Variants in ARHGAP15 observed in about 807,000 individuals in gnomAD.
ARHGAP15 encodes Rho GTPase activating protein 15, also known as rho GTPase-activating protein 15.
In ARHGAP15, 51 loss-of-function variants were observed where a neutral mutation model predicts 63.7. The ratio of observed to expected loss-of-function variants is 0.80; its 90% confidence interval spans 0.64 to 1.01. The LOEUF (loss-of-function observed/expected upper bound fraction) is 1.01, where lower values mean the gene tolerates loss of function less well. Among genes scored for constraint, ARHGAP15 ranks in the 50% least tolerant of loss-of-function variants. The probability of loss-of-function intolerance (pLI) is 0.00; values close to 1 mark genes in which losing one functional copy is unlikely to be tolerated. For missense variants in ARHGAP15, 560 were observed against 564.6 expected, an observed-to-expected ratio of 0.99 and a Z score of 0.08; for synonymous variants, 191 against 193.8, an observed-to-expected ratio of 0.99 and a Z score of 0.12.
At chr2:143,267,550 T>C (rs1422900586) in intron 6 of ARHGAP15, among the ~76,000 whole-genome samples, 1 of 152,126 alleles carries the variant, frequency 6.6e-6, no homozygotes, top group African/African-American at 2.4e-5. Context: ...CAGGGTGAAA[T>C]AAGTATTTTC....
intron 1 of ARHGAP15, among the ~76,000 whole-genome samples, chr2:143,148,471 A>G (rs879746988): frequency 3.9e-5 from 6 of 152,076 alleles, no homozygotes; most frequent in Non-Finnish European, 7.4e-5. Flanking sequence ...AAGAAAGATC[A>G]TGGTTGCCTA....
At chr2:143,709,410 A>G (rs1192130238) in intron 13 of ARHGAP15, among the ~76,000 whole-genome samples, 1 of 152,238 alleles carries the variant, frequency 6.6e-6, no homozygotes, top group Non-Finnish European at 1.5e-5. Flanking sequence ...GGAAGAATAT[A>G]TTTGCTGCAG....
At chr2:143,246,843 G>A (rs1694061851) in intron 5 of ARHGAP15, among the ~76,000 whole-genome samples, 1 of 152,148 alleles carries the variant, frequency 6.6e-6, no homozygotes, top group African/African-American at 2.4e-5. Flanking sequence ...CAGATGAGCA[G>A]CAGAATGAAA....
At position 143,615,628 on chromosome 2, in the gene ARHGAP15, G is replaced by A. The variant is rs185424935; in HGVS notation, c.1004-8505G>A. ...ATTATCTGTATATGGGAATTTATAG[G>A]ACTTAGTTTATTTCCTAGATATCAT... On this transcript the variant is annotated intron_variant, in intron 11 of 13. Transcript: ENST00000295095. Among the ~76,000 whole-genome samples, 9 of 152,214 alleles carry A rather than the reference G, an allele frequency of 5.9e-5. No homozygotes were observed. The East Asian group carries it at 1.7e-3, about 29-fold the overall frequency.
intron 8 of ARHGAP15, among the ~76,000 whole-genome samples, chr2:143,476,431 A>G (rs1321969772): frequency 6.6e-6 from 1 of 152,180 alleles, no homozygotes; most frequent in Non-Finnish European, 1.5e-5. Flanking sequence ...ACTGTACAAT[A>G]TGTAGCATAT....
intron 6 of ARHGAP15, among the ~76,000 whole-genome samples, chr2:143,373,641 A>C (rs537263207): frequency 5.1e-4 from 77 of 149,528 alleles, no homozygotes; most frequent in African/African-American, 1.8e-3. Context: ...AAAAAAAAAA[A>C]AAAAAAAAAA....
intron 10 of ARHGAP15, among the ~76,000 whole-genome samples, chr2:143,531,776 C>T (rs938357061): frequency 1.2e-4 from 18 of 152,164 alleles, no homozygotes; most frequent in Non-Finnish European, 7.3e-5. Context: ...AGCATACATA[C>T]CAATACTGTG....
chr2:143,504,802 T>C (rs1693230638), intron 9 of ARHGAP15, among the ~76,000 whole-genome samples: 1 of 152,208 alleles, frequency 6.6e-6, no homozygotes, highest in African/African-American at 2.4e-5. Context: ...CAGCACTTTC[T>C]GAGAGTTACC....
At chr2:143,260,822 C>T (rs1430750065) in intron 6 of ARHGAP15, among the ~76,000 whole-genome samples, 5 of 152,136 alleles carry the variant, frequency 3.3e-5, no homozygotes, top group Non-Finnish European at 7.4e-5. Flanking sequence ...TGCTCATCTT[C>T]TCTAGGAAGA....
intron 2 of ARHGAP15, among the ~76,000 whole-genome samples, chr2:143,163,932 C>T (rs961106704): frequency 3.3e-5 from 5 of 152,056 alleles, no homozygotes; most frequent in Non-Finnish European, 7.4e-5. Flanking sequence ...TCAGAGAGTG[C>T]AGGAGACCTC....
chr2:143,276,972 C>G (rs1228161837), intron 6 of ARHGAP15, among the ~76,000 whole-genome samples: 1 of 152,162 alleles, frequency 6.6e-6, no homozygotes, highest in Admixed American at 6.5e-5. Context: ...GAAATTGCAT[C>G]GTTGGAGACT....
intron 10 of ARHGAP15, among the ~76,000 whole-genome samples, chr2:143,542,581 TATATATC>T (rs1194500078): frequency 4.0e-4 from 59 of 147,986 alleles, no homozygotes; most frequent in African/African-American, 1.4e-3. Context: ...TGTGTGCACA[TATATATC>T]ATATATGTGT....
chr2:143,315,956 C>A (rs373295017), intron 6 of ARHGAP15, among the ~76,000 whole-genome samples: 1 of 151,910 alleles, frequency 6.6e-6, no homozygotes, highest in Admixed American at 6.6e-5. Context: ...CGTGGTGGTG[C>A]GTGCCTGTAT....
At chr2:143,467,843 C>T (rs1042456824) in intron 8 of ARHGAP15, among the ~76,000 whole-genome samples, 2 of 152,176 alleles carry the variant, frequency 1.3e-5, no homozygotes, top group East Asian at 3.9e-4. Flanking sequence ...AGTCATTAGC[C>T]TGTCATATTA....
At chr2:143,137,936 T>A (rs974407712) in intron 1 of ARHGAP15, among the ~76,000 whole-genome samples, 4 of 152,132 alleles carry the variant, frequency 2.6e-5, no homozygotes, top group Non-Finnish European at 4.4e-5. Flanking sequence ...TGAGCTTCTG[T>A]ATAATATCAC....
intron 6 of ARHGAP15, among the ~76,000 whole-genome samples, chr2:143,321,706 T>C (rs141598754): frequency 2.9e-4 from 44 of 152,360 alleles, no homozygotes; most frequent in African/African-American, 9.9e-4. Context: ...ATTCTTTAGT[T>C]TTGTTTTTGA....
At chr2:143,315,694 A>G (rs1171428602) in intron 6 of ARHGAP15, among the ~76,000 whole-genome samples, 1 of 152,150 alleles carries the variant, frequency 6.6e-6, no homozygotes, top group Non-Finnish European at 1.5e-5. Context: ...GACACCACTA[A>G]AATCTACTCT....
intron 11 of ARHGAP15, among the ~76,000 whole-genome samples, chr2:143,581,540 A>G (rs547621619): frequency 2.0e-5 from 3 of 152,074 alleles, no homozygotes; most frequent in Non-Finnish European, 4.4e-5. Context: ...TTATCCATGC[A>G]TTTGCCATAG....
chr2:143,535,249 T>G (rs1320547218), intron 10 of ARHGAP15, among the ~76,000 whole-genome samples: 1 of 152,172 alleles, frequency 6.6e-6, no homozygotes, highest in Non-Finnish European at 1.5e-5. Context: ...GTTGTACCCA[T>G]TTTCCCTTTC....
Sources: gnomAD v4.1 joint callset for allele counts (sites outside exome capture counted in the v4.1 genomes callset) on GRCh38, gnomAD v4.1.1 for gene constraint, MANE v1.5 for transcripts, NCBI Gene and HGNC (gene_info 2026-07-23, HGNC 2026-07-21) for gene names.